ROR1: variants seen among roughly 807,000 people sequenced by gnomAD.
The protein encoded by ROR1 is inactive tyrosine-protein kinase transmembrane receptor ROR1.
A neutral mutation model predicts 78.8 loss-of-function variants in ROR1; 19 were observed. The ratio of observed to expected loss-of-function variants is 0.24; its 90% CI spans 0.17 to 0.35. The LOEUF is 0.35. Among genes scored for constraint, ROR1 ranks in the 10% least tolerant of loss-of-function variants. The pLI, the probability that ROR1 is intolerant of heterozygous loss-of-function variation, is 1.00. For missense variants in ROR1, 917 were observed against 1,177.8 expected (o/e 0.78, Z 3.24); for synonymous variants, 386 against 433.6 (o/e 0.89, Z 1.36).
intron 4 of ROR1, among the ~76,000 whole-genome samples, chr1:64,120,184 T>C (rs1648477401): frequency 6.6e-6 from 1 of 152,110 alleles, no homozygotes. Context: ...TAAAGTCTAA[T>C]ATCCAGAGAG....
intron 2 of ROR1, among the ~76,000 whole-genome samples, chr1:64,044,844 C>T (rs943423835): frequency 6.6e-6 from 1 of 152,102 alleles, no homozygotes; most frequent in African/African-American, 2.4e-5. Context: ...AACTTTTAGC[C>T]ACCATCACGA....
At chr1:64,018,672 G>C (rs1392341922) in intron 2 of ROR1, among the ~76,000 whole-genome samples, 2 of 152,188 alleles carry the variant, frequency 1.3e-5, no homozygotes, top group Admixed American at 1.3e-4. Context: ...AGAGGGCTTT[G>C]AGAGAGAAAA....
rs547025201 is a variant in ROR1 at position 64,166,134 on chromosome 1, C to T, written c.1386+6942C>T. Among the ~76,000 whole-genome samples, 4 of 152,278 alleles carry T rather than the reference C, an allele frequency of 2.6e-5. No individual in the cohort carries two copies. The South Asian group carries it at 8.3e-4, about 32-fold the overall frequency. ...TTATTTTACTAGGGAATTCTTTCCC[C>T]ACTGCTTGCTTTTGTCAGGTTTGTT... On this transcript the variant is annotated intron_variant, in intron 8 of 8. Transcript: ENST00000371079.
intron 2 of ROR1, among the ~76,000 whole-genome samples, chr1:64,035,043 AGTTC>A (rs1557619900): frequency 6.6e-6 from 1 of 152,154 alleles, no homozygotes; most frequent in Admixed American, 6.5e-5. Context: ...TTGGTGTGGG[AGTTC>A]AGTGGCAATA....
intron 1 of ROR1, among the ~76,000 whole-genome samples, chr1:63,974,670 C>T (rs1299720331): frequency 2.0e-5 from 3 of 151,916 alleles, no homozygotes; most frequent in Non-Finnish European, 4.4e-5. Flanking sequence ...TAGGATCTTG[C>T]GCTGTTGCCC....
intron 1 of ROR1, among the ~76,000 whole-genome samples, chr1:63,882,208 T>G (rs1364481193): frequency 1.3e-5 from 2 of 152,154 alleles, no homozygotes; most frequent in Non-Finnish European, 1.5e-5. Context: ...TAGGATGTGT[T>G]GGGAAAGGCA....
intron 1 of ROR1, among the ~76,000 whole-genome samples, chr1:63,983,431 A>G (rs1021748698): frequency 6.6e-6 from 1 of 152,170 alleles, no homozygotes; most frequent in African/African-American, 2.4e-5. Flanking sequence ...CAATAGGGGA[A>G]GCGGGACCCC....
intron 4 of ROR1, among the ~76,000 whole-genome samples, chr1:64,063,257 G>A (rs757576100): frequency 2.6e-5 from 4 of 152,182 alleles, no homozygotes; most frequent in East Asian, 1.9e-4. Context: ...TCCTCTCATC[G>A]TCAACTCATT....
At chr1:63,833,784 GT>G (rs1023427304) in intron 1 of ROR1, among the ~76,000 whole-genome samples, 1 of 149,166 alleles carries the variant, frequency 6.7e-6, no homozygotes, top group Non-Finnish European at 1.5e-5. Flanking sequence ...GCCTGCTTGC[GT>G]TTTTTTTTCT....
chr1:64,024,002 G>C (rs1351632963), intron 2 of ROR1, among the ~76,000 whole-genome samples: 1 of 152,158 alleles, frequency 6.6e-6, no homozygotes, highest in Admixed American at 6.6e-5. Flanking sequence ...GTGTGTGGCA[G>C]TTCCTCTCTC....
intron 2 of ROR1, among the ~76,000 whole-genome samples, chr1:64,030,902 T>C (rs1019352177): frequency 6.6e-6 from 1 of 152,174 alleles, no homozygotes; most frequent in African/African-American, 2.4e-5. Context: ...CATATGTATG[T>C]GTGTTTTGAG....
intron 4 of ROR1, among the ~76,000 whole-genome samples, chr1:64,054,243 T>C (rs1646856300): frequency 6.6e-6 from 1 of 152,018 alleles, no homozygotes; most frequent in Non-Finnish European, 1.5e-5. Context: ...CTTGAAGTAC[T>C]GCACCTGGCC....
At chr1:63,814,166 G>A (rs1166593780) in intron 1 of ROR1, among the ~76,000 whole-genome samples, 1 of 152,164 alleles carries the variant, frequency 6.6e-6, no homozygotes, top group Non-Finnish European at 1.5e-5. Flanking sequence ...TTTTGTTTCC[G>A]TGGAAGAAGT....
At chr1:63,925,157 T>TCC (rs1217545781) in intron 1 of ROR1, among the ~76,000 whole-genome samples, 1 of 139,046 alleles carries the variant, frequency 7.2e-6, no homozygotes, top group South Asian at 2.3e-4. Flanking sequence ...ATGCTATCCC[T>TCC]CCCCCTTCCC....
chr1:63,848,566 G>A (rs909379034), intron 1 of ROR1, among the ~76,000 whole-genome samples: 12 of 152,140 alleles, frequency 7.9e-5, no homozygotes, highest in African/African-American at 2.9e-4. Flanking sequence ...TTCAGATAGT[G>A]GAGGCCTGTG....
intron 8 of ROR1, among the ~76,000 whole-genome samples, chr1:64,161,787 G>C (rs550922149): frequency 1.3e-5 from 2 of 150,248 alleles, no homozygotes; most frequent in South Asian, 4.3e-4. Context: ...TTGGGGAGGG[G>C]AAAGGAAACA....
intron 4 of ROR1, among the ~76,000 whole-genome samples, chr1:64,100,374 G>C (rs1331930576): frequency 1.3e-5 from 2 of 151,980 alleles, no homozygotes; most frequent in African/African-American, 2.4e-5. Flanking sequence ...TATAGTCCCA[G>C]CTACTCAGGA....
intron 1 of ROR1, among the ~76,000 whole-genome samples, chr1:63,934,517 C>T (rs1645778762): frequency 6.6e-6 from 1 of 152,082 alleles, no homozygotes; most frequent in African/African-American, 2.4e-5. Context: ...CACATTTTAC[C>T]CTCAACTTCA....
chr1:63,825,859 G>T (rs1644949918), intron 1 of ROR1, among the ~76,000 whole-genome samples: 1 of 152,158 alleles, frequency 6.6e-6, no homozygotes, highest in Admixed American at 6.6e-5. Flanking sequence ...AAACAAGAAT[G>T]ATTCAGAGGA....
Sources: gnomAD v4.1 joint callset for allele counts (sites outside exome capture counted in the v4.1 genomes callset) on GRCh38, gnomAD v4.1.1 for gene constraint, MANE v1.5 for transcripts, NCBI Gene and HGNC (gene_info 2026-07-23, HGNC 2026-07-21) for gene names.